Variants in FGF1 observed in about 807,000 individuals in gnomAD.
The protein encoded by FGF1 is beta-endothelial cell growth factor.
Under a neutral mutation model 13.4 loss-of-function variants are expected in FGF1, and 9 were observed. That is an observed-to-expected ratio of 0.67 (90% CI 0.40 to 1.17). The LOEUF is 1.17. Among genes scored for constraint, FGF1 ranks in the 50% most tolerant of loss-of-function variants. The probability of loss-of-function intolerance (pLI) is 0.01; values close to 1 mark genes in which losing one functional copy is unlikely to be tolerated. For synonymous variants in FGF1, 93 were observed against 79.0 expected, an observed-to-expected ratio of 1.18 and a Z score of -0.94; for missense variants, 156 against 192.7, an observed-to-expected ratio of 0.81 and a Z score of 1.13.
chr5:142,597,394 G>A (rs557692951), intron 3 of FGF1, among the ~76,000 whole-genome samples: 3 of 152,184 alleles, frequency 2.0e-5, no homozygotes, highest in Admixed American at 6.5e-5. Context: ...AAGAATATCC[G>A]TACAGTAGAA....
chr5:142,646,208 CT>C (rs762008952), intron 1 of FGF1, among the ~76,000 whole-genome samples: 42 of 54,942 alleles, frequency 7.6e-4, no homozygotes, highest in East Asian at 1.4e-3. Context: ...CGCACCTGGC[CT>C]TTTTTTTTTT....
intron 1 of FGF1, among the ~76,000 whole-genome samples, chr5:142,659,497 A>G (rs899779425): frequency 6.6e-6 from 1 of 152,136 alleles, no homozygotes; most frequent in Non-Finnish European, 1.5e-5. Flanking sequence ...AAAGTATTAC[A>G]GGTGTGAGCC....
chr5:142,653,519 C>T (rs1052223870), intron 1 of FGF1, among the ~76,000 whole-genome samples: 1 of 152,260 alleles, frequency 6.6e-6, no homozygotes, highest in African/African-American at 2.4e-5. Context: ...CTTGATTTGG[C>T]CCCTGGGATA....
intron 1 of FGF1, among the ~76,000 whole-genome samples, chr5:142,664,843 G>A (rs370706260): frequency 8.5e-5 from 13 of 152,176 alleles, no homozygotes; most frequent in African/African-American, 2.2e-4. Flanking sequence ...GCGAGGTGAC[G>A]TCACCTCTCT....
At chr5:142,603,352 G>C (rs1048913976) in intron 2 of FGF1, among the ~76,000 whole-genome samples, 1 of 152,066 alleles carries the variant, frequency 6.6e-6, no homozygotes, top group African/African-American at 2.4e-5. Context: ...GTGACACTCT[G>C]CGCACGGGGT....
chr5:142,675,839 G>C (rs1046768425), intron 1 of FGF1, among the ~76,000 whole-genome samples: 2 of 152,140 alleles, frequency 1.3e-5, no homozygotes, highest in African/African-American at 4.8e-5. Context: ...CAGTGCCAGG[G>C]GACATTGAGC....
chr5:142,599,239 A>T (rs17217429), intron 3 of FGF1, among the ~76,000 whole-genome samples: 80 of 152,264 alleles, frequency 5.3e-4, no homozygotes, highest in African/African-American at 1.7e-3. Flanking sequence ...GAACTACCTT[A>T]AAAAAATCCC....
At position 142,648,689 on chromosome 5, in the gene FGF1, CAAAA is replaced by C. The variant is rs11451715; in HGVS notation, c.-34-34532_-34-34529del. ...AAAAAGTGATTTGTCCCCCACCAAC[CAAAA>C]AAAAAAAAAAAAAAAAAAAAGAACA... On this transcript the variant is annotated intron_variant, in intron 1 of 3. Coordinates refer to ENST00000337706, the MANE Select transcript of FGF1 (RefSeq NM_000800.5). Among the ~76,000 whole-genome samples the C allele has an allele frequency of 5.9e-3, 391 of 66,232 alleles. 2 individuals are homozygous for C. The highest frequency in any genetic ancestry group is 0.023 in the African/African-American group (375 of 16,202). The allele number at this position is 66,232 out of a possible 152,430, so 43.5% of individuals were successfully genotyped here. A position where few individuals can be genotyped will look rare whatever the true frequency, so the allele number is the denominator to read the frequency against.
At chr5:142,625,362 G>T (rs1164841331) in intron 1 of FGF1, among the ~76,000 whole-genome samples, 2 of 151,230 alleles carry the variant, frequency 1.3e-5, no homozygotes, top group Non-Finnish European at 2.9e-5. Flanking sequence ...GTGTCCTGTA[G>T]TATCCTTTAT....
At chr5:142,665,893 T>C (rs369522551) in intron 1 of FGF1, among the ~76,000 whole-genome samples, 8 of 152,278 alleles carry the variant, frequency 5.3e-5, no homozygotes, top group Admixed American at 6.5e-5. Flanking sequence ...CCAGTCTTTC[T>C]CATCATCTCA....
rs1335306658 is a variant in FGF1 at position 142,614,119 on chromosome 5, T to C, written c.9A>G (p.Glu3=). MA[E]GEITTFTALT... is the part of the protein sequence containing the mutation. ...GGGCTGTGAAGGTGGTGATTTCCCC[T>C]TCAGCCATGGCTCAGCAGCTGCTGC... is the stretch of plus-strand genomic sequence containing the variant. The change falls in exon 2 of 4, where the codon GAA becomes GAG. Residue 3 remains glutamate (E), a synonymous_variant. Coordinates refer to ENST00000337706, the MANE Select transcript of FGF1 (RefSeq NM_000800.5). The C allele has an allele frequency of 1.2e-6, 2 of 1,614,204 alleles. No homozygotes were observed. The highest frequency in any genetic ancestry group is 1.7e-6 in the Non-Finnish European group (2 of 1,180,022).
Position 142,594,739 on chromosome 5 carries a change from T to C in FGF1, c.*551A>G, listed in dbSNP as rs1440194521. Reference sequence around the variant, plus strand: ...CATCCTTCTAAGTTACCCACCAAAATCCAATCTCTCTTTTCCATTTTAAAT... The same window carrying C: ...CATCCTTCTAAGTTACCCACCAAAACCCAATCTCTCTTTTCCATTTTAAAT... On this transcript the variant is annotated 3_prime_UTR_variant, in exon 4 of 4. Coordinates refer to ENST00000337706, the MANE Select transcript of FGF1 (RefSeq NM_000800.5). 6.6e-6 allele frequency: 1 copy of C among 152,258 alleles called. No homozygotes were observed. Among genetic ancestry groups the C allele is most frequent in the East Asian group, 1.9e-4 (1 of 5,186 alleles). The allele number at this position is 152,258 out of a possible 1,614,324, so 9.4% of individuals were successfully genotyped here.
chr5:142,644,625 A>C (rs1001528450), intron 1 of FGF1, among the ~76,000 whole-genome samples: 1 of 152,162 alleles, frequency 6.6e-6, no homozygotes, highest in Admixed American at 6.5e-5. Context: ...CCTTAGTATA[A>C]ATCCTCTGGC....
At chr5:142,632,922 C>T (rs1400307910) in intron 1 of FGF1, among the ~76,000 whole-genome samples, 2 of 140,618 alleles carry the variant, frequency 1.4e-5, no homozygotes. Context: ...AGGTTGTTTA[C>T]TTTTTTTTTT....
At chr5:142,599,530 G>C (rs915921173) in intron 3 of FGF1, among the ~76,000 whole-genome samples, 1 of 152,156 alleles carries the variant, frequency 6.6e-6, no homozygotes, top group Admixed American at 6.5e-5. Context: ...GGGAGGAAAG[G>C]GGTGTGGATT....
In FGF1 at chr5:142,592,952, G is replaced by C. The variant is rs1754557967; in HGVS notation, c.*2338C>G. 1 of 152,296 alleles carries C rather than the reference G, an allele frequency of 6.6e-6. No homozygotes were observed. The highest frequency in any genetic ancestry group is 1.5e-5 in the Non-Finnish European group (1 of 68,130). 9.4% of individuals were successfully genotyped at this position (152,296 alleles called of 1,614,324 possible). On this transcript the variant is annotated 3_prime_UTR_variant, in exon 4 of 4. Transcript: ENST00000337706. The stretch of plus-strand genomic sequence containing the variant: ...TAATGCCCTGGGAGAAGATACAGCA[G>C]CAAACCAGACAGACAAGGTCCCCAG...
At chr5:142,620,183 C>T (rs371685009) in intron 1 of FGF1, among the ~76,000 whole-genome samples, 16 of 152,044 alleles carry the variant, frequency 1.1e-4, no homozygotes, top group South Asian at 8.3e-4. Context: ...TTTGGGAGGC[C>T]GAGGTGGGCG....
intron 1 of FGF1, among the ~76,000 whole-genome samples, chr5:142,673,044 T>A (rs1771800541): frequency 6.6e-6 from 1 of 152,208 alleles, no homozygotes; most frequent in Non-Finnish European, 1.5e-5. Context: ...AGATAATAGC[T>A]ATTGTTATTA....
intron 3 of FGF1, among the ~76,000 whole-genome samples, chr5:142,599,911 T>C (rs1020314471): frequency 6.6e-6 from 1 of 152,224 alleles, no homozygotes; most frequent in African/African-American, 2.4e-5. Context: ...ATTTGATAAA[T>C]GTTGAATTAA....
Sources: gnomAD v4.1 joint callset for allele counts (sites outside exome capture counted in the v4.1 genomes callset) on GRCh38, gnomAD v4.1.1 for gene constraint, MANE v1.5 for transcripts, NCBI Gene and HGNC (gene_info 2026-07-23, HGNC 2026-07-21) for gene names.